The following LIMCH1 variants were observed in gnomAD, a reference collection of about 807,000 sequenced individuals.
LIMCH1 encodes the protein LIM and calponin homology domains-containing protein 1.
In LIMCH1, 113 loss-of-function variants were observed where a neutral mutation model predicts 176.5. That is an observed-to-expected ratio of 0.64 (90% CI 0.55 to 0.75). The LOEUF is 0.75. Ranked by LOEUF, LIMCH1 falls within the 30% of genes least tolerant of loss-of-function variation. The probability of loss-of-function intolerance (pLI) is 0.00; values close to 1 mark genes in which losing one functional copy is unlikely to be tolerated. For missense variants in LIMCH1, 1,674 were observed against 1,814.9 expected (o/e 0.92, Z 1.41); for synonymous variants, 619 against 645.9 (o/e 0.96, Z 0.63).
At chr4:41,419,230 T>G (rs2060228960) in intron 1 of LIMCH1, among the ~76,000 whole-genome samples, 1 of 152,060 alleles carries the variant, frequency 6.6e-6, no homozygotes, top group Non-Finnish European at 1.5e-5. Flanking sequence ...CAGGCTGGAG[T>G]GCAGTGGCAC....
chr4:41,656,619 T>C (rs923165489), intron 18 of LIMCH1, among the ~76,000 whole-genome samples: 1 of 152,052 alleles, frequency 6.6e-6, no homozygotes, highest in Non-Finnish European at 1.5e-5. Context: ...TGGCAGTAGA[T>C]ATTTGGAGGT....
chr4:41,468,524 T>A (rs1252436253), intron 1 of LIMCH1, among the ~76,000 whole-genome samples: 1 of 151,506 alleles, frequency 6.6e-6, no homozygotes, highest in African/African-American at 2.4e-5. Context: ...GTATTAAACT[T>A]AATGTGAACA....
chr4:41,458,628 G>A (rs1206933437), intron 1 of LIMCH1, among the ~76,000 whole-genome samples: 1 of 150,450 alleles, frequency 6.6e-6, no homozygotes, highest in Non-Finnish European at 1.5e-5. Flanking sequence ...ACAAAAATTA[G>A]CTGGGCGTGG....
intron 1 of LIMCH1, among the ~76,000 whole-genome samples, chr4:41,465,387 C>G (rs2065964929): frequency 6.6e-6 from 1 of 152,120 alleles, no homozygotes. Flanking sequence ...CAGTGAGGTC[C>G]AAAATGTCTT....
intron 14 of LIMCH1, among the ~76,000 whole-genome samples, chr4:41,639,990 T>C (rs1446533708): frequency 2.6e-5 from 4 of 152,192 alleles, no homozygotes; most frequent in Non-Finnish European, 5.9e-5. Context: ...GACAATGAGA[T>C]TAGGCAAAAA....
chr4:41,482,985 A>G (rs1366690875), intron 1 of LIMCH1, among the ~76,000 whole-genome samples: 4 of 152,160 alleles, frequency 2.6e-5, no homozygotes, highest in Non-Finnish European at 5.9e-5. Context: ...GGTAATGGGT[A>G]TAGGATACTC....
chr4:41,444,295 A>T lies in LIMCH1; in HGVS notation c.97-50241A>T, dbSNP rs865845893. 9.6e-3 allele frequency among the ~76,000 whole-genome samples: 1,280 copies of T among 133,670 alleles called. 21 individuals carry two copies. The highest frequency in any genetic ancestry group is 0.033 in the African/African-American group (1,208 of 36,526). 87.7% of individuals were successfully genotyped at this position (133,670 alleles called of 152,430 possible). A position where few individuals can be genotyped will look rare whatever the true frequency, so the allele number is the denominator to read the frequency against. ...AAATATATGTATGTGTATGTGTGTG[A>T]GTGTGTGTGTATATATATACACACA... On this transcript the variant is annotated intron_variant, in intron 1 of 26. Transcript: ENST00000313860.
intron 18 of LIMCH1, among the ~76,000 whole-genome samples, chr4:41,656,840 G>A (rs2094477173): frequency 6.6e-6 from 1 of 152,202 alleles, no homozygotes; most frequent in Non-Finnish European, 1.5e-5. Flanking sequence ...TAAATGATCA[G>A]TCCGAGCTCA....
chr4:41,613,325 A>G (rs1454876605), intron 4 of LIMCH1, 141 bp from the exon 5 acceptor site: 15 of 806,248 alleles, frequency 1.9e-5, no homozygotes, highest in Non-Finnish European at 2.7e-5. Context: ...TTCAAAGATG[A>G]TTGATCCTGT....
intron 2 of LIMCH1, among the ~76,000 whole-genome samples, chr4:41,513,294 G>A (rs967597401): frequency 2.0e-5 from 3 of 152,124 alleles, no homozygotes; most frequent in Admixed American, 6.5e-5. Flanking sequence ...ATGAAAAGGC[G>A]TTGCTTGCTG....
At chr4:41,617,075 A>C (rs368572769) in intron 5 of LIMCH1, among the ~76,000 whole-genome samples, 7 of 151,902 alleles carry the variant, frequency 4.6e-5, no homozygotes, top group Admixed American at 1.3e-4. Flanking sequence ...TAATATAAAT[A>C]TATATCTATA....
At chr4:41,361,743 G>A (rs894294471) in intron 1 of LIMCH1, among the ~76,000 whole-genome samples, 3 of 152,226 alleles carry the variant, frequency 2.0e-5, no homozygotes, top group Non-Finnish European at 4.4e-5. Flanking sequence ...ATGTCTATCA[G>A]TAGATGCAGC....
chr4:41,389,541 A>C (rs911824414), intron 1 of LIMCH1: 1 of 161,670 alleles, frequency 6.2e-6, no homozygotes, highest in Non-Finnish European at 1.4e-5. Context: ...TACCACCCTC[A>C]TGACTTCATA....
intron 4 of LIMCH1, among the ~76,000 whole-genome samples, chr4:41,608,087 T>C (rs1418399815): frequency 6.6e-6 from 1 of 152,220 alleles, no homozygotes; most frequent in African/African-American, 2.4e-5. Context: ...CCAGGGCTGA[T>C]GTGGGGTTCC....
At chr4:41,668,955 C>G (rs2094924428) in intron 21 of LIMCH1, among the ~76,000 whole-genome samples, 1 of 152,102 alleles carries the variant, frequency 6.6e-6, no homozygotes, top group African/African-American at 2.4e-5. Flanking sequence ...AAGACCCACC[C>G]TCATGATTCA....
chr4:41,411,024 T>C (rs1307128949), intron 1 of LIMCH1, among the ~76,000 whole-genome samples: 4 of 152,236 alleles, frequency 2.6e-5, no homozygotes, highest in African/African-American at 9.6e-5. Flanking sequence ...TTCTCCCTTA[T>C]TACGTTAGAC....
chr4:41,419,636 T>TTCCTC (rs1561310986), intron 1 of LIMCH1, among the ~76,000 whole-genome samples: 1 of 70,064 alleles, frequency 1.4e-5, no homozygotes, highest in African/African-American at 9.2e-5. Flanking sequence ...CCTTCCTTCC[T>TTCCTC]CCTTCCTTTC....
chr4:41,487,602 G>A (rs1305088600), intron 1 of LIMCH1, among the ~76,000 whole-genome samples: 1 of 150,648 alleles, frequency 6.6e-6, no homozygotes, highest in Non-Finnish European at 1.5e-5. Flanking sequence ...ATAATTTTAA[G>A]TGGTACATGA....
chr4:41,509,331 G>A (rs1396404273), intron 2 of LIMCH1, among the ~76,000 whole-genome samples: 1 of 152,138 alleles, frequency 6.6e-6, no homozygotes, highest in African/African-American at 2.4e-5. Context: ...GACCCGAGGT[G>A]GTAGGGCACA....
Sources: allele counts gnomAD v4.1 joint callset (sites outside exome capture counted in the v4.1 genomes callset), GRCh38; gene constraint gnomAD v4.1.1; transcripts MANE v1.5; gene names NCBI Gene and HGNC (gene_info 2026-07-23, HGNC 2026-07-21).